Variants in ADAMTS15 observed in about 807,000 individuals in gnomAD.
ADAMTS15 encodes A disintegrin and metalloproteinase with thrombospondin motifs 15.
A neutral mutation model predicts 79.1 loss-of-function variants in ADAMTS15; 35 were observed. The observed-to-expected ratio is 0.44, with a 90% confidence interval of 0.34 to 0.59. The LOEUF is 0.59. Among genes scored for constraint, ADAMTS15 ranks in the 20% least tolerant of loss-of-function variants. The pLI is 0.02. For synonymous variants in ADAMTS15, 616 were observed against 567.3 expected (o/e 1.09, Z -1.22); for missense variants, 1,324 against 1,318.7 (o/e 1.00, Z -0.06).
rs1385634059 is a variant in ADAMTS15 at position 130,470,182 on chromosome 11, GTGTGTATATA to G, written c.1721-736_1721-727del. On this transcript the variant is annotated intron_variant, in intron 5 of 7. Transcript: ENST00000299164. ...TATATATATATATATATATATATAT[GTGTGTATATA>G]TATATATATATATATATGTATATAT... Among the ~76,000 whole-genome samples the G allele has an allele frequency of 1.5e-3, 111 of 72,658 alleles. 1 individual carries two copies. In the Middle Eastern group the frequency reaches 0.027, roughly 17 times the overall value. The allele number at this position is 72,658 out of a possible 152,430, so 47.7% of individuals were successfully genotyped here.
chr11:130,449,159 G>A lies in ADAMTS15; in HGVS notation c.186G>A (p.Glu62=), dbSNP rs900514668. Residue 62 remains glutamate, a synonymous_variant, in exon 1 of 8, where the codon GAG becomes GAA. Transcript: ENST00000299164. The surrounding 1 kb of genome is among the most constrained non-coding windows in gnomAD (Gnocchi z 7.8). ...TTTTTCAGATCACAGCATTTCAGGA[G>A]GACTTTTACCTACACCTGACGCCGG... is the stretch of plus-strand genomic sequence containing the variant. ...GLIFQITAFQ[E]DFYLHLTPDA... 1.2e-6 allele frequency: 2 copies of A among 1,606,710 alleles called. No individual in the cohort carries two copies. The highest frequency in any genetic ancestry group is 2.7e-5 in the African/African-American group (2 of 74,636).
intron 4 of ADAMTS15, among the ~76,000 whole-genome samples, chr11:130,464,964 C>T (rs1938271137): frequency 7.5e-6 from 1 of 133,802 alleles, no homozygotes; most frequent in African/African-American, 2.8e-5. Flanking sequence ...GAGATCCCAT[C>T]TCAAGGAAAA....
At chr11:130,473,024 A>C in intron 7 of ADAMTS15, 23 bp from the exon 8 acceptor site, 1 of 1,610,268 alleles carries the variant, frequency 6.2e-7, no homozygotes, top group Non-Finnish European at 8.5e-7. Context: ...TATCTGATGC[A>C]CGGCCCCCCT....
chr11:130,457,093 C>T (rs191930713), intron 1 of ADAMTS15, among the ~76,000 whole-genome samples: 50 of 151,704 alleles, frequency 3.3e-4, no homozygotes, highest in East Asian at 2.5e-3. Context: ...ATTAGCCAGG[C>T]GTGGTGGCGC....
chr11:130,470,160 A>ATATATATATATATATATATGTG lies in ADAMTS15; in HGVS notation c.1720+740_1721-740insGTGTATATATATATATATATAT, dbSNP rs1565397672. ...TATATATATATATATATGTGTATAT[A>ATATATATATATATATATATGTG]TATATATATATATATATATATGTGT... On this transcript the variant is annotated intron_variant, in intron 5 of 7. Coordinates refer to ENST00000299164, the MANE Select transcript of ADAMTS15 (RefSeq NM_139055.4). 6.3e-4 allele frequency among the ~76,000 whole-genome samples: 36 copies of ATATATATATATATATATATGTG among 57,294 alleles called. 1 individual carries two copies. Among genetic ancestry groups the ATATATATATATATATATATGTG allele is most frequent in the African/African-American group, 1.9e-3 (18 of 9,688 alleles). The allele number at this position is 57,294 out of a possible 152,430, so 37.6% of individuals were successfully genotyped here.
At chr11:130,471,894 G>C (rs1938469052) in intron 7 of ADAMTS15, among the ~76,000 whole-genome samples, 1 of 152,260 alleles carries the variant, frequency 6.6e-6, no homozygotes, top group African/African-American at 2.4e-5. Flanking sequence ...CGTGACAGCT[G>C]CCAGCCTCTC....
Position 130,456,787 on chromosome 11 carries a change from G to A in ADAMTS15, c.958-4702G>A, listed in dbSNP as rs536299311. 3.3e-5 allele frequency among the ~76,000 whole-genome samples: 5 copies of A among 152,224 alleles called. No homozygotes were observed. The South Asian group carries it at 1.0e-3, about 32-fold the overall frequency. ...TCACTGAGCCTCAGTTTCCTCATCC[G>A]CAGCATGAGAAGACAGCCCTGCAGT... On this transcript the variant is annotated intron_variant, in intron 1 of 7. Transcript: ENST00000299164.
chr11:130,467,562 G>C (rs1021348725), intron 4 of ADAMTS15, among the ~76,000 whole-genome samples: 2 of 152,164 alleles, frequency 1.3e-5, no homozygotes, highest in African/African-American at 4.8e-5. Flanking sequence ...CATGCAGCCA[G>C]TTCCTGCTTA....
chr11:130,470,613 C>T (rs149867914), intron 5 of ADAMTS15, among the ~76,000 whole-genome samples: 39 of 152,176 alleles, frequency 2.6e-4, no homozygotes, highest in East Asian at 1.7e-3. Context: ...CTGGTGTTGT[C>T]GTTAATCTAT....
chr11:130,473,855 C>T lies in ADAMTS15; in HGVS notation c.*34C>T, dbSNP rs755056463. 1 of 1,554,492 alleles carries T rather than the reference C, an allele frequency of 6.4e-7. No homozygotes were observed. On this transcript the variant is annotated 3_prime_UTR_variant, in exon 8 of 8. Transcript: ENST00000299164. ...ATCGCTTTCTCCCCCTCACTCTCCA[C>T]CCCACTGATATGCCAGCGTTCTGCC...
At position 130,475,826 on chromosome 11, in the gene ADAMTS15, C is replaced by T. The variant is rs1428624469; in HGVS notation, c.*2005C>T. The T allele has an allele frequency of 7.7e-6, 1 of 130,562 alleles. No homozygotes were observed. The highest frequency in any genetic ancestry group is 2.9e-5 in the African/African-American group (1 of 35,068). The allele number at this position is 130,562 out of a possible 1,614,324, so 8.1% of individuals were successfully genotyped here. A position where few individuals can be genotyped will look rare whatever the true frequency, so the allele number is the denominator to read the frequency against. On this transcript the variant is annotated 3_prime_UTR_variant, in exon 8 of 8. Transcript: ENST00000299164. ...GCTGACGACAGCACTGCGCCCTGTG[C>T]TTGGTGCACTCCCTCCTTCAGGAGG...
intron 5 of ADAMTS15, among the ~76,000 whole-genome samples, chr11:130,470,166 A>ATATGTATG (rs1592150488): frequency 1.7e-5 from 1 of 57,606 alleles, no homozygotes; most frequent in African/African-American, 1.0e-4. Context: ...ATATATATAT[A>ATATGTATG]TATATATATA....
intron 1 of ADAMTS15, among the ~76,000 whole-genome samples, chr11:130,458,886 C>T (rs929165962): frequency 1.3e-5 from 2 of 151,002 alleles, no homozygotes; most frequent in African/African-American, 4.9e-5. Context: ...CCTACACCTA[C>T]ATCCTTCACT....
intron 1 of ADAMTS15, among the ~76,000 whole-genome samples, chr11:130,460,376 A>C (rs1938174518): frequency 6.6e-6 from 1 of 151,442 alleles, no homozygotes; most frequent in Non-Finnish European, 1.5e-5. Flanking sequence ...TCCCAGGTTC[A>C]AGCGATTCTC....
rs1592152449 is a variant in ADAMTS15, at chr11:130,473,656, C to T, written c.2688C>T (p.Thr896=). The change falls in exon 8 of 8, where the codon ACC becomes ACT. Residue 896 remains threonine (T), a synonymous_variant. Coordinates refer to ENST00000299164, the MANE Select transcript of ADAMTS15 (RefSeq NM_139055.4). The part of the protein sequence containing the change: ...ETQACGEPCP[T]WELSAWSPCS... Reference sequence around the variant, plus strand: ...AAGCCTGCGGGGAGCCCTGCCCCACCTGGGAGCTCAGCGCCTGGTCACCCT... The same window carrying T: ...AAGCCTGCGGGGAGCCCTGCCCCACTTGGGAGCTCAGCGCCTGGTCACCCT... The T allele has an allele frequency of 6.2e-7, 1 of 1,606,696 alleles. No homozygotes were observed. Among genetic ancestry groups the T allele is most frequent in the Admixed American group, 1.7e-5 (1 of 60,006 alleles).
intron 4 of ADAMTS15, among the ~76,000 whole-genome samples, chr11:130,465,502 G>T (rs187517626): frequency 6.6e-6 from 1 of 152,242 alleles, no homozygotes; most frequent in Non-Finnish European, 1.5e-5. Flanking sequence ...CTTCCTCTGT[G>T]GTCTGTTTCT....
At chr11:130,470,771 T>G (rs1482590678) in intron 5 of ADAMTS15, 149 bp from the exon 6 acceptor site, 4 of 874,332 alleles carry the variant, frequency 4.6e-6, no homozygotes, top group Admixed American at 2.4e-5. Flanking sequence ...CCAGCCTGCT[T>G]TAGTGCTTTC....
intron 4 of ADAMTS15, among the ~76,000 whole-genome samples, chr11:130,468,447 A>T (rs932004365): frequency 2.6e-5 from 4 of 151,554 alleles, no homozygotes; most frequent in African/African-American, 9.7e-5. Context: ...CCTGGCCAAC[A>T]TGGTGAAACC....
chr11:130,460,936 G>GTCCA (rs1261045980), intron 1 of ADAMTS15, among the ~76,000 whole-genome samples: 3 of 152,182 alleles, frequency 2.0e-5, no homozygotes, highest in Admixed American at 2.0e-4. Context: ...GGGGTCTGGG[G>GTCCA]TCCACCTCAA....
Sources: allele counts gnomAD v4.1 joint callset (sites outside exome capture counted in the v4.1 genomes callset), GRCh38; gene constraint gnomAD v4.1.1; non-coding constraint Gnocchi (gnomAD v3.1); transcripts MANE v1.5; gene names NCBI Gene and HGNC (gene_info 2026-07-23, HGNC 2026-07-21).